Variants in PCLO observed in about 807,000 individuals in gnomAD.
PCLO encodes the protein piccolo presynaptic cytomatrix protein.
A neutral mutation model predicts 427.5 loss-of-function variants in PCLO; 82 were observed. That is an observed-to-expected ratio of 0.19 (90% CI 0.16 to 0.23). PCLO has a LOEUF of 0.23. PCLO is among the 10% of genes least tolerant of loss of function. PCLO has a pLI of 1.00. For missense variants in PCLO, 6,239 were observed against 6,115.9 expected (o/e 1.02, Z -0.67); for synonymous variants, 2,357 against 2,155.4 (o/e 1.09, Z -2.59).
intron 3 of PCLO, among the ~76,000 whole-genome samples, chr7:83,104,933 T>C (rs1386705294): frequency 6.8e-6 from 1 of 147,366 alleles, no homozygotes; most frequent in Non-Finnish European, 1.5e-5. Flanking sequence ...GAATAAAGAA[T>C]GAGCAAATAA....
At chr7:83,033,298 A>G (rs1351187630) in intron 3 of PCLO, among the ~76,000 whole-genome samples, 1 of 152,186 alleles carries the variant, frequency 6.6e-6, no homozygotes. Flanking sequence ...TCACTACTTG[A>G]CATTAGCAGT....
chr7:82,971,628 TATG>T (rs1398165644), intron 3 of PCLO, among the ~76,000 whole-genome samples: 1 of 147,798 alleles, frequency 6.8e-6, no homozygotes, highest in African/African-American at 2.5e-5. Flanking sequence ...TATAGATATA[TATG>T]ATAAAATTTC....
intron 21 of PCLO, 149 bp downstream of exon 21, chr7:82,805,539 C>T (rs1791439088): frequency 1.5e-6 from 1 of 647,782 alleles, no homozygotes; most frequent in African/African-American, 1.8e-5. Flanking sequence ...CTTGAACTAT[C>T]TATTTTTACA....
chr7:82,936,156 A>C (rs181989155), intron 6 of PCLO, among the ~76,000 whole-genome samples: 1 of 151,804 alleles, frequency 6.6e-6, no homozygotes, highest in Admixed American at 6.6e-5. Flanking sequence ...CTCTAGATAG[A>C]CCATATGTTA....
intron 22 of PCLO, among the ~76,000 whole-genome samples, chr7:82,789,945 T>C (rs561751004): frequency 6.6e-6 from 1 of 152,326 alleles, no homozygotes; most frequent in African/African-American, 2.4e-5. Context: ...ATACTTGTGT[T>C]TAGTGATCAT....
At chr7:82,794,534 C>T (rs1230056057) in intron 22 of PCLO, among the ~76,000 whole-genome samples, 3 of 128,056 alleles carry the variant, frequency 2.3e-5, no homozygotes, top group African/African-American at 8.3e-5. Flanking sequence ...TGCAGTGGCA[C>T]GACCTCGGCT....
intron 22 of PCLO, among the ~76,000 whole-genome samples, chr7:82,792,588 AAAGTGCTGGGATTACAGG>A (rs1791127385): frequency 6.6e-6 from 1 of 152,116 alleles, no homozygotes; most frequent in African/African-American, 2.4e-5. Flanking sequence ...CCAGCCTCCC[AAAGTGCTGGGATTACAGG>A]GTGAGCCACC....
intron 12 of PCLO, 52 bp downstream of exon 12, chr7:82,846,515 C>T (rs1349150864): frequency 3.5e-6 from 4 of 1,153,378 alleles, no homozygotes; most frequent in Non-Finnish European, 5.2e-6. Context: ...TCTGCAATTA[C>T]TTCTATTTCT....
intron 9 of PCLO, among the ~76,000 whole-genome samples, chr7:82,888,053 G>C (rs1159495494): frequency 6.6e-6 from 1 of 151,304 alleles, no homozygotes; most frequent in Non-Finnish European, 1.5e-5. Context: ...CTGGGTGACA[G>C]AGTAAGGCTC....
chr7:82,981,571 T>C (rs762352669), intron 3 of PCLO, among the ~76,000 whole-genome samples: 6 of 152,106 alleles, frequency 3.9e-5, no homozygotes, highest in Non-Finnish European at 7.4e-5. Flanking sequence ...CTGAGTACTC[T>C]AAAAATTAAT....
intron 3 of PCLO, among the ~76,000 whole-genome samples, chr7:83,012,071 ACT>A (rs1285666961): frequency 6.6e-6 from 1 of 152,120 alleles, no homozygotes; most frequent in Non-Finnish European, 1.5e-5. Context: ...ATTTTTAAAA[ACT>A]CACACTTAAC....
Position 82,955,380 on chromosome 7 carries a change from T to C in PCLO, c.5573A>G (p.Glu1858Gly), listed in dbSNP as rs747273410. ...MEELHRSSCS[E>G]YSPSIESDPE... ...GTCTGACTCTATGCTAGGTGAATATTCAGAACAAGAAGATCTATGGAGCTC... is the reference window on the plus strand; with the variant it reads ...GTCTGACTCTATGCTAGGTGAATATCCAGAACAAGAAGATCTATGGAGCTC... The change falls in exon 5 of 25, where the codon GAA (glutamate) becomes GGA (glycine). Residue 1858 changes from glutamate to glycine, a missense_variant. Physicochemically the swap from Glu to Gly is moderately conservative, Grantham distance 98 (BLOSUM62 -2). Around this residue, in one of 5 missense-constraint regions of PCLO, gnomAD observed 4,677 missense variants for 4,468.4 expected, o/e 1.05. Coordinates refer to ENST00000333891, the MANE Select transcript of PCLO (RefSeq NM_033026.6). The C allele has an allele frequency of 6.2e-7, 1 of 1,613,874 alleles. No homozygotes were observed. Among genetic ancestry groups the C allele is most frequent in the South Asian group, 1.1e-5 (1 of 91,066 alleles).
chr7:82,951,949 C>T lies in PCLO; in HGVS notation c.9004G>A (p.Ala3002Thr). 4 of 1,613,890 alleles carry T rather than the reference C, an allele frequency of 2.5e-6. No homozygotes were observed. The highest frequency in any genetic ancestry group is 3.4e-6 in the Non-Finnish European group (4 of 1,179,836). ...PSMSDTNLAE[A>T]GHFFYKSKNA... Reference sequence around the variant, plus strand: ...TTACTTTTATAGAAAAAATGTCCAGCTTCTGCTAAATTTGTGTCAGACATG... The same window carrying T: ...TTACTTTTATAGAAAAAATGTCCAGTTTCTGCTAAATTTGTGTCAGACATG... The change falls in exon 5 of 25, where the codon GCT becomes ACT. Residue 3002 changes from alanine to threonine, a missense_variant. Ala to Thr is a moderately conservative substitution (Grantham distance 58). This residue lies in a region of PCLO where 4,677 missense variants were observed against 4,468.4 expected (regional missense o/e 1.05). Coordinates refer to ENST00000333891, the MANE Select transcript of PCLO (RefSeq NM_033026.6).
chr7:82,825,307 G>A (rs1009029793), intron 18 of PCLO, among the ~76,000 whole-genome samples: 3 of 151,854 alleles, frequency 2.0e-5, no homozygotes, highest in African/African-American at 7.3e-5. Context: ...TAAATTAGAA[G>A]GACTTCAGTA....
intron 24 of PCLO, among the ~76,000 whole-genome samples, chr7:82,759,598 A>G (rs577644340): frequency 6.6e-6 from 1 of 152,030 alleles, no homozygotes; most frequent in Non-Finnish European, 1.5e-5. Context: ...CAGACTTCAG[A>G]GTGTCATTTC....
At chr7:83,095,179 G>A (rs2116457872) in intron 3 of PCLO, among the ~76,000 whole-genome samples, 1 of 152,114 alleles carries the variant, frequency 6.6e-6, no homozygotes, top group African/African-American at 2.4e-5. Flanking sequence ...CATATCATGT[G>A]AATTACGGGA....
intron 3 of PCLO, among the ~76,000 whole-genome samples, chr7:82,974,285 T>C (rs1008871371): frequency 6.6e-6 from 1 of 151,994 alleles, no homozygotes; most frequent in African/African-American, 2.4e-5. Context: ...ACTTAGGAGG[T>C]TGAGGCAGGA....
intron 18 of PCLO, among the ~76,000 whole-genome samples, chr7:82,825,796 A>C (rs567776962): frequency 1.8e-3 from 264 of 148,036 alleles, no homozygotes; most frequent in African/African-American, 6.3e-3. Flanking sequence ...ACAATATATA[A>C]AATATATGTA....
At chr7:83,014,215 C>G (rs1788154098) in intron 3 of PCLO, among the ~76,000 whole-genome samples, 1 of 152,052 alleles carries the variant, frequency 6.6e-6, no homozygotes, top group South Asian at 2.1e-4. Flanking sequence ...AGTAAATGAA[C>G]AAATGTCAGA....
Sources: allele counts gnomAD v4.1 joint callset (sites outside exome capture counted in the v4.1 genomes callset), GRCh38; gene constraint gnomAD v4.1.1; regional missense constraint gnomAD v4.1.1; transcripts MANE v1.5; gene names NCBI Gene and HGNC (gene_info 2026-07-23, HGNC 2026-07-21).